ZPBP: variants seen among roughly 807,000 people sequenced by gnomAD.
ZPBP encodes the protein zona pellucida binding protein.
A neutral mutation model predicts 44.8 loss-of-function variants in ZPBP; 26 were observed. The ratio of observed to expected loss-of-function variants is 0.58; its 90% CI spans 0.43 to 0.81. The LOEUF (loss-of-function observed/expected upper bound fraction) is 0.81. ZPBP is among the 30% of genes least tolerant of loss of function. The pLI is 0.00. For synonymous variants in ZPBP, 174 were observed against 153.2 expected, an observed-to-expected ratio of 1.14 and a Z score of -1.00; for missense variants, 409 against 434.0, an observed-to-expected ratio of 0.94 and a Z score of 0.51.
At chr7:49,943,498 C>T (rs1351231204) in intron 7 of ZPBP, 2 of 437,574 alleles carry the variant, frequency 4.6e-6, no homozygotes, top group South Asian at 1.9e-5. Flanking sequence ...GAACCCAACA[C>T]TCATCTGTTT....
At chr7:49,845,767 G>A (rs1293756442), downstream of ZPBP, among the ~76,000 whole-genome samples, 1 of 152,218 alleles carries the variant, frequency 6.6e-6, no homozygotes, top group Non-Finnish European at 1.5e-5. Context: ...CAGAATGACA[G>A]GGTAAGTTTC....
At chr7:49,952,718 C>T (rs1795400961) in intron 7 of ZPBP, among the ~76,000 whole-genome samples, 1 of 151,964 alleles carries the variant, frequency 6.6e-6, no homozygotes, top group African/African-American at 2.4e-5. Context: ...TCTTTCGAAA[C>T]TAAGGGTAAA....
chr7:49,958,464 C>T (rs1278637405), intron 7 of ZPBP, among the ~76,000 whole-genome samples: 7 of 152,152 alleles, frequency 4.6e-5, no homozygotes, highest in Admixed American at 2.0e-4. Context: ...GTCATGATGG[C>T]TTGACCTTCA....
chr7:50,036,141 A>T (rs1799815690), intron 4 of ZPBP, among the ~76,000 whole-genome samples: 1 of 152,152 alleles, frequency 6.6e-6, no homozygotes, highest in African/African-American at 2.4e-5. Context: ...AAGTTAAGAA[A>T]TCCTAATAAA....
chr7:49,921,015 C>T (rs1793993894), intron 1 of ZPBP: 2 of 152,298 alleles, frequency 1.3e-5, no homozygotes, highest in African/African-American at 2.4e-5. Flanking sequence ...AGTAAGTGTT[C>T]ATGTCCTGTA....
chr7:50,077,367 C>T (rs1287829041), intron 3 of ZPBP, among the ~76,000 whole-genome samples: 1 of 151,568 alleles, frequency 6.6e-6, no homozygotes, highest in Non-Finnish European at 1.5e-5. Context: ...CCCACAAGCA[C>T]AGGCAACCAA....
Position 50,089,599 on chromosome 7 carries a change from A to G in ZPBP, c.208+30T>C, listed in dbSNP as rs997494216. On this transcript the variant is annotated intron_variant, in intron 2 of 7. Transcript: ENST00000046087. ...ATTTAAACAAATGCTAATAACTTTT[A>G]AAAATTAGTGAAAATATATTTATGA... 5.3e-6 allele frequency: 8 copies of G among 1,503,756 alleles called. No homozygotes were observed. The African/African-American group carries it at 1.1e-4, about 21-fold the overall frequency. 93.2% of individuals were successfully genotyped at this position (1,503,756 alleles called of 1,614,324 possible).
intron 7 of ZPBP, among the ~76,000 whole-genome samples, chr7:49,960,096 G>C (rs1562802041): frequency 6.6e-6 from 1 of 152,024 alleles, no homozygotes; most frequent in Non-Finnish European, 1.5e-5. Context: ...AATGGATCAT[G>C]GACCTAAATG....
intron 4 of ZPBP, among the ~76,000 whole-genome samples, chr7:50,054,145 C>T (rs556442336): frequency 1.3e-5 from 2 of 152,226 alleles, no homozygotes; most frequent in Admixed American, 6.5e-5. Flanking sequence ...CCCACCTCGG[C>T]CTCCCAAAGT....
intron 2 of ZPBP, among the ~76,000 whole-genome samples, chr7:49,894,824 T>C (rs1482781047): frequency 6.6e-6 from 1 of 152,194 alleles, no homozygotes; most frequent in Non-Finnish European, 1.5e-5. Flanking sequence ...AGCCTTATCA[T>C]CTGTTCAGCG....
At chr7:49,861,201 T>C (rs894795178) in intron 2 of ZPBP, among the ~76,000 whole-genome samples, 1 of 152,208 alleles carries the variant, frequency 6.6e-6, no homozygotes, top group African/African-American at 2.4e-5. Context: ...GCTATAACCA[T>C]CTTAGTACAT....
chr7:49,979,885 ATAT>A (rs1479513706), intron 7 of ZPBP, among the ~76,000 whole-genome samples: 1 of 125,330 alleles, frequency 8.0e-6, no homozygotes, highest in African/African-American at 3.0e-5. Context: ...TATATATTAC[ATAT>A]TATGTATATT....
chr7:49,901,380 T>G (rs922814498), intron 1 of ZPBP, among the ~76,000 whole-genome samples: 1 of 151,848 alleles, frequency 6.6e-6, no homozygotes, highest in African/African-American at 2.4e-5. Context: ...ACAAGGTTAA[T>G]AGACAAAATT....
chr7:49,938,054 A>G (rs2128752064), intron 7 of ZPBP, among the ~76,000 whole-genome samples: 1 of 152,152 alleles, frequency 6.6e-6, no homozygotes, highest in South Asian at 2.1e-4. Context: ...CTTGCCCGCC[A>G]CTCACCTTCT....
At chr7:49,983,553 C>T (rs1451028881) in intron 6 of ZPBP, 34 bp from the exon 7 acceptor site, 7 of 1,376,116 alleles carry the variant, frequency 5.1e-6, no homozygotes, top group Non-Finnish European at 7.0e-6. Flanking sequence ...AAACTGTTAG[C>T]CATAAAAAAT....
At chr7:50,041,854 A>C (rs1800111250) in intron 4 of ZPBP, among the ~76,000 whole-genome samples, 2 of 152,218 alleles carry the variant, frequency 1.3e-5, no homozygotes, top group African/African-American at 4.8e-5. Flanking sequence ...AAGCTTCAGA[A>C]GGTGGGTAAT....
intron 2 of ZPBP, among the ~76,000 whole-genome samples, chr7:49,870,521 CA>C (rs1791104943): frequency 6.6e-6 from 1 of 152,114 alleles, no homozygotes; most frequent in Admixed American, 6.5e-5. Flanking sequence ...TAAAACTAAA[CA>C]TTTTAAGAGG....
At chr7:49,892,247 CGT>C (rs1215640540) in intron 2 of ZPBP, among the ~76,000 whole-genome samples, 19 of 151,586 alleles carry the variant, frequency 1.3e-4, no homozygotes, top group African/African-American at 4.6e-4. Flanking sequence ...GGGGTTTCAC[CGT>C]GTTAGCCAGG....
intron 7 of ZPBP, among the ~76,000 whole-genome samples, chr7:49,970,229 C>A (rs10269343): frequency 1.3e-5 from 2 of 152,062 alleles, no homozygotes; most frequent in Admixed American, 1.3e-4. Context: ...CAAACTCAGT[C>A]TCAGCAGTTC....
Sources: allele counts gnomAD v4.1 joint callset (sites outside exome capture counted in the v4.1 genomes callset), GRCh38; gene constraint gnomAD v4.1.1; transcripts MANE v1.5; gene names NCBI Gene and HGNC (gene_info 2026-07-23, HGNC 2026-07-21).